The following FAM3D variants were observed in gnomAD, a reference collection of about 807,000 sequenced individuals.
FAM3D encodes the protein FAM3 metabolism regulating signaling molecule D.
In FAM3D, 26 loss-of-function variants were observed where a neutral mutation model predicts 29.8. The observed-to-expected ratio is 0.87, with a 90% CI of 0.64 to 1.21. FAM3D has a LOEUF of 1.21. Among genes scored for constraint, FAM3D ranks in the 50% most tolerant of loss-of-function variants. The pLI, the probability that FAM3D is intolerant of heterozygous loss-of-function variation, is 0.00. For missense variants in FAM3D, 253 were observed against 290.9 expected, an observed-to-expected ratio of 0.87 and a Z score of 0.95; for synonymous variants, 115 against 102.3, an observed-to-expected ratio of 1.12 and a Z score of -0.75.
intron 1 of FAM3D, among the ~76,000 whole-genome samples, chr3:58,660,278 C>T (rs2066906325): frequency 6.6e-6 from 1 of 152,106 alleles, no homozygotes; most frequent in Non-Finnish European, 1.5e-5. Flanking sequence ...TGGGTCCTGC[C>T]CTGAAGCAGG....
At chr3:58,660,216 G>A (rs2066905368) in intron 1 of FAM3D, among the ~76,000 whole-genome samples, 1 of 152,190 alleles carries the variant, frequency 6.6e-6, no homozygotes, top group Non-Finnish European at 1.5e-5. Context: ...CATATTAACA[G>A]ACACACAGGC....
At chr3:58,646,794 A>G (rs1167236075) in intron 4 of FAM3D, among the ~76,000 whole-genome samples, 1 of 152,142 alleles carries the variant, frequency 6.6e-6, no homozygotes, top group Non-Finnish European at 1.5e-5. Flanking sequence ...CTTTGTGTTT[A>G]TTATCTTATT....
intron 7 of FAM3D, among the ~76,000 whole-genome samples, chr3:58,638,491 C>G (rs1373353809): frequency 1.3e-5 from 2 of 152,184 alleles, no homozygotes; most frequent in African/African-American, 4.8e-5. Context: ...TTTGGGCATA[C>G]AGTAAGCGTA....
chr3:58,637,816 T>A (rs2066216756), intron 7 of FAM3D, among the ~76,000 whole-genome samples: 1 of 152,130 alleles, frequency 6.6e-6, no homozygotes, highest in Admixed American at 6.5e-5. Context: ...GCTCTAGGTT[T>A]AGCACCTGGG....
intron 1 of FAM3D, among the ~76,000 whole-genome samples, chr3:58,660,752 AG>A (rs1199827674): frequency 1.3e-5 from 2 of 152,156 alleles, no homozygotes; most frequent in Non-Finnish European, 2.9e-5. Flanking sequence ...TCAAGTTCCT[AG>A]GGTACTTCCC....
chr3:58,661,173 G>A (rs1483428731), intron 1 of FAM3D, among the ~76,000 whole-genome samples: 1 of 152,194 alleles, frequency 6.6e-6, no homozygotes, highest in Non-Finnish European at 1.5e-5. Context: ...TGACCTGCGG[G>A]CTGTTGTTTG....
chr3:58,661,888 T>C (rs951477463), intron 1 of FAM3D, among the ~76,000 whole-genome samples: 4 of 152,176 alleles, frequency 2.6e-5, no homozygotes, highest in Admixed American at 2.6e-4. Context: ...AGAAATAGGC[T>C]GAAGAACAGG....
At chr3:58,636,805 C>T (rs945113335) in intron 8 of FAM3D, among the ~76,000 whole-genome samples, 6 of 152,060 alleles carry the variant, frequency 3.9e-5, no homozygotes, top group African/African-American at 7.3e-5. Context: ...AGAGGGTGAG[C>T]GATTTTCCAC....
chr3:58,634,535 T>C lies in FAM3D; in HGVS notation c.586-167A>G, dbSNP rs977174741. 1.7e-6 allele frequency: 1 copy of C among 600,832 alleles called. No individual in the cohort carries two copies. Among genetic ancestry groups the C allele is most frequent in the African/African-American group, 1.9e-5 (1 of 52,638 alleles). 37.2% of individuals were successfully genotyped at this position (600,832 alleles called of 1,614,324 possible). A position where few individuals can be genotyped will look rare whatever the true frequency, so the allele number is the denominator to read the frequency against. ...GAGAGGGGATGCAACTTGCTCAAGATCTCAGAGATGGGATCAGAGCCCAGT... is the reference window on the plus strand; with the variant it reads ...GAGAGGGGATGCAACTTGCTCAAGACCTCAGAGATGGGATCAGAGCCCAGT... On this transcript the variant is annotated intron_variant, in intron 9 of 9. Transcript: ENST00000358781. The surrounding 1 kb of genome is among the most constrained non-coding windows in gnomAD (Gnocchi z 4.6).
At position 58,634,759 on chromosome 3, in the gene FAM3D, G is replaced by C. The variant is rs903970583; in HGVS notation, c.586-391C>G. Among the ~76,000 whole-genome samples, 1 of 152,160 alleles carries C rather than the reference G, an allele frequency of 6.6e-6. No homozygotes were observed. Among genetic ancestry groups the C allele is most frequent in the Admixed American group, 6.5e-5 (1 of 15,280 alleles). ...GCCTTATGTATTTAATCTGCACAGT[G>C]GCCCTAGGGAGTGTGCACTGTTTAC... On this transcript the variant is annotated intron_variant, in intron 9 of 9. Transcript: ENST00000358781. This position sits in a 1 kb window ranked among gnomAD's most constrained non-coding sequence, Gnocchi z 4.6.
chr3:58,664,765 A>G (rs986424202), intron 1 of FAM3D, among the ~76,000 whole-genome samples: 9 of 152,038 alleles, frequency 5.9e-5, no homozygotes, highest in African/African-American at 1.7e-4. Context: ...GGGGGAGCAA[A>G]CCTCTGAGCC....
intron 3 of FAM3D, among the ~76,000 whole-genome samples, chr3:58,651,738 G>T (rs1184103828): frequency 6.6e-6 from 1 of 150,758 alleles, no homozygotes; most frequent in East Asian, 2.0e-4. Context: ...GGACACCCCT[G>T]AGCCTCCTAC....
chr3:58,634,181 CA>C lies in FAM3D; in HGVS notation c.*97del, dbSNP rs2066094206. The C allele has an allele frequency of 9.2e-6, 10 of 1,092,494 alleles. No homozygotes were observed. In the South Asian group the frequency reaches 1.4e-4, roughly 16 times the overall value. 67.7% of individuals were successfully genotyped at this position (1,092,494 alleles called of 1,614,324 possible). A position where few individuals can be genotyped will look rare whatever the true frequency, so the allele number is the denominator to read the frequency against. On this transcript the variant is annotated 3_prime_UTR_variant, in exon 10 of 10. Coordinates refer to ENST00000358781, the MANE Select transcript of FAM3D (RefSeq NM_138805.3). The surrounding 1 kb of genome is among the most constrained non-coding windows in gnomAD (Gnocchi z 4.6). ...AGGACCTGCAGCACCTTCCACGCAG[CA>C]CCCCCTGCTCCTCCTCCTCAGCCCC...
At chr3:58,644,190 C>G (rs550668110) in intron 5 of FAM3D, among the ~76,000 whole-genome samples, 1 of 152,158 alleles carries the variant, frequency 6.6e-6, no homozygotes, top group Non-Finnish European at 1.5e-5. Context: ...GGATTGACCT[C>G]TCTCTCCCAG....
intron 5 of FAM3D, among the ~76,000 whole-genome samples, chr3:58,645,118 A>T (rs2066438448): frequency 6.6e-6 from 1 of 152,210 alleles, no homozygotes; most frequent in Non-Finnish European, 1.5e-5. Flanking sequence ...TGCCTGGGTC[A>T]GGATCTTGAA....
chr3:58,658,800 C>G (rs949333893), intron 1 of FAM3D, among the ~76,000 whole-genome samples: 4 of 152,194 alleles, frequency 2.6e-5, no homozygotes, highest in Admixed American at 6.5e-5. Flanking sequence ...GAGAGAGAGG[C>G]TCTCTTCTCC....
intron 3 of FAM3D, among the ~76,000 whole-genome samples, chr3:58,651,319 G>A (rs1294953714): frequency 6.6e-6 from 1 of 152,178 alleles, no homozygotes; most frequent in African/African-American, 2.4e-5. Context: ...AATAAAATGA[G>A]GGTATGTGCA....
chr3:58,649,374 A>G (rs561585536), intron 3 of FAM3D, 36 bp from the exon 4 acceptor site: 7 of 1,613,040 alleles, frequency 4.3e-6, no homozygotes, highest in African/African-American at 1.3e-5. Flanking sequence ...GAGGAAAAGC[A>G]CTTCGGACCC....
intron 7 of FAM3D, among the ~76,000 whole-genome samples, chr3:58,639,746 GCA>G (rs1195673466): frequency 6.6e-6 from 1 of 152,186 alleles, no homozygotes; most frequent in Non-Finnish European, 1.5e-5. Flanking sequence ...CTCCAGGTCA[GCA>G]CACTCCTAGC....
Sources: gnomAD v4.1 joint callset for allele counts (sites outside exome capture counted in the v4.1 genomes callset) on GRCh38, gnomAD v4.1.1 for gene constraint, Gnocchi (gnomAD v3.1) non-coding constraint, MANE v1.5 for transcripts, NCBI Gene and HGNC (gene_info 2026-07-23, HGNC 2026-07-21) for gene names.